The following IPO11 variants were observed in gnomAD, a reference collection of about 807,000 sequenced individuals.
IPO11 encodes importin 11.
IPO11 carries 66 observed loss-of-function variants against 143.2 expected under a neutral mutation model. The observed-to-expected ratio is 0.46, with a 90% confidence interval of 0.38 to 0.57. IPO11 has a LOEUF of 0.57. IPO11 is among the 20% of genes least tolerant of loss of function. IPO11 has a pLI of 0.00. For missense variants in IPO11, 1,026 were observed against 1,141.0 expected, an observed-to-expected ratio of 0.90 and a Z score of 1.45; for synonymous variants, 385 against 377.8, an observed-to-expected ratio of 1.02 and a Z score of -0.22.
intron 26 of IPO11, among the ~76,000 whole-genome samples, chr5:62,556,301 G>A (rs1283737567): frequency 2.0e-5 from 3 of 151,928 alleles, no homozygotes; most frequent in Non-Finnish European, 2.9e-5. Context: ...CTCCAGTCTG[G>A]GTGATAGAGT....
chr5:62,535,219 T>G (rs1262422174), intron 22 of IPO11, among the ~76,000 whole-genome samples: 1 of 151,914 alleles, frequency 6.6e-6, no homozygotes, highest in African/African-American at 2.4e-5. Flanking sequence ...CAAGTCTTCT[T>G]AAATGTTGGT....
chr5:62,419,820 C>T (rs991837128), intron 1 of IPO11, among the ~76,000 whole-genome samples: 1 of 151,736 alleles, frequency 6.6e-6, no homozygotes. Context: ...ATAGCCAGAC[C>T]CCATCTCTAC....
At chr5:62,624,656 A>G (rs1580404142) in intron 29 of IPO11, among the ~76,000 whole-genome samples, 1 of 152,202 alleles carries the variant, frequency 6.6e-6, no homozygotes, top group East Asian at 1.9e-4. Context: ...GCAGCCCAGT[A>G]GGTCTCCACC....
intron 27 of IPO11, among the ~76,000 whole-genome samples, chr5:62,572,897 A>G (rs1490804483): frequency 6.6e-6 from 1 of 151,982 alleles, no homozygotes; most frequent in Non-Finnish European, 1.5e-5. Context: ...ACATTCTTTC[A>G]TAGTTAGTTA....
At chr5:62,561,094 C>T in intron 26 of IPO11, 42 bp from the exon 27 acceptor site, 3 of 1,541,224 alleles carry the variant, frequency 1.9e-6, no homozygotes, top group Non-Finnish European at 2.6e-6. Context: ...ACAAGTAAAA[C>T]ATATTTTAGG....
At chr5:62,580,612 C>G (rs1377612687) in intron 27 of IPO11, 2 of 1,551,318 alleles carry the variant, frequency 1.3e-6, no homozygotes, top group Admixed American at 2.0e-5. Context: ...CCCATCCATG[C>G]GTGGCAGAGC....
At chr5:62,419,184 G>T in intron 1 of IPO11, 4 of 1,518,690 alleles carry the variant, frequency 2.6e-6, no homozygotes, top group Non-Finnish European at 3.5e-6. Flanking sequence ...TAAAAATACA[G>T]TGTAGAAGTA....
chr5:62,419,208 C>T (rs1055041716), intron 1 of IPO11: 1 of 1,433,994 alleles, frequency 7.0e-7, no homozygotes, highest in African/African-American at 1.4e-5. Flanking sequence ...AATGGTACAT[C>T]TGTACAGGGC....
At position 62,559,224 on chromosome 5, in the gene IPO11, C is replaced by T. The variant is rs375348212; in HGVS notation, c.2461-1912C>T. 3.3e-5 allele frequency among the ~76,000 whole-genome samples: 5 copies of T among 151,922 alleles called. No individual in the cohort carries two copies. In the East Asian group the frequency reaches 5.8e-4, roughly 18 times the overall value. ...CTGCATCAATTGACTCTTCCCTTCA[C>T]GAATGAGAGGATTGACTCCAGTTGT... On this transcript the variant is annotated intron_variant, in intron 26 of 29. Transcript: ENST00000325324.
intron 1 of IPO11, chr5:62,419,149 C>T: frequency 6.5e-7 from 1 of 1,544,604 alleles, no homozygotes; most frequent in Admixed American, 2.0e-5. Context: ...TGTGTTTAAA[C>T]ATGTCTAAAC....
chr5:62,587,362 A>G (rs573632969), intron 27 of IPO11, among the ~76,000 whole-genome samples: 1 of 152,112 alleles, frequency 6.6e-6, no homozygotes, highest in Admixed American at 6.6e-5. Flanking sequence ...CAGGGGAGCT[A>G]GATTTATTAA....
intron 27 of IPO11, among the ~76,000 whole-genome samples, chr5:62,562,524 A>G (rs1743807047): frequency 1.3e-5 from 2 of 152,204 alleles, no homozygotes; most frequent in African/African-American, 4.8e-5. Flanking sequence ...TACCACTCCT[A>G]TGAGAATCTA....
chr5:62,456,476 G>T (rs972821750), intron 5 of IPO11, among the ~76,000 whole-genome samples: 25 of 152,244 alleles, frequency 1.6e-4, no homozygotes, highest in African/African-American at 5.8e-4. Context: ...CCCAAATCAC[G>T]ATGTGTAACA....
At chr5:62,473,385 G>A (rs751151661) in intron 7 of IPO11, among the ~76,000 whole-genome samples, 2 of 152,094 alleles carry the variant, frequency 1.3e-5, no homozygotes, top group Admixed American at 6.5e-5. Flanking sequence ...CAGAGGAAGA[G>A]GTTTACTAGT....
intron 20 of IPO11, among the ~76,000 whole-genome samples, chr5:62,522,077 C>T (rs1742219424): frequency 6.6e-6 from 1 of 151,956 alleles, no homozygotes; most frequent in Admixed American, 6.6e-5. Flanking sequence ...ATCTGTTGAT[C>T]CTCGGTTGCC....
intron 21 of IPO11, chr5:62,526,591 T>A (rs556613245): frequency 8.9e-5 from 19 of 212,970 alleles, no homozygotes; most frequent in African/African-American, 4.4e-4. Flanking sequence ...GATATTGAGG[T>A]CCTCTTACTA....
chr5:62,519,272 A>G (rs1254337405), intron 20 of IPO11, among the ~76,000 whole-genome samples: 1 of 152,198 alleles, frequency 6.6e-6, no homozygotes, highest in African/African-American at 2.4e-5. Flanking sequence ...ATCAGTTTTA[A>G]TGTTGACAGA....
chr5:62,419,033 A>C, intron 1 of IPO11: 1 of 1,551,216 alleles, frequency 6.4e-7, no homozygotes, highest in Non-Finnish European at 8.7e-7. Flanking sequence ...CCTATTATAC[A>C]CTTGGGCTAT....
intron 1 of IPO11, chr5:62,419,070 C>T: frequency 6.4e-7 from 1 of 1,551,096 alleles, no homozygotes; most frequent in Non-Finnish European, 8.7e-7. Flanking sequence ...TGTATCTAGG[C>T]TATAAGCCTG....
Sources: allele counts gnomAD v4.1 joint callset (sites outside exome capture counted in the v4.1 genomes callset), GRCh38; gene constraint gnomAD v4.1.1; transcripts MANE v1.5; gene names NCBI Gene and HGNC (gene_info 2026-07-23, HGNC 2026-07-21).